EPHA3: variants seen among roughly 807,000 people sequenced by gnomAD.
EPHA3 encodes EPH receptor A3, also known as ephrin type-A receptor 3.
A neutral mutation model predicts 107.1 loss-of-function variants in EPHA3; 42 were observed. The observed-to-expected ratio is 0.39, with a 90% CI of 0.31 to 0.51. EPHA3 has a LOEUF of 0.51. Among genes scored for constraint, EPHA3 ranks in the 20% least tolerant of loss-of-function variants. The pLI, the probability that EPHA3 is intolerant of heterozygous loss-of-function variation, is 0.78. For synonymous variants in EPHA3, 461 were observed against 424.8 expected (o/e 1.09, Z -1.05); for missense variants, 1,183 against 1,211.2 (o/e 0.98, Z 0.35).
In EPHA3 at chr3:89,479,497, G is replaced by C. The variant is rs536144760; in HGVS notation, c.2947G>C (p.Val983Leu). 4 of 1,613,314 alleles carry C rather than the reference G, an allele frequency of 2.5e-6. No homozygotes were observed. In the Admixed American group the frequency reaches 5.0e-5, roughly 20 times the overall value. The stretch of plus-strand genomic sequence containing the variant: ...GCAATCAAAGAATGGCCCAGTTCCC[G>C]TGTAAAGCACGGGACGGAAGTGCTT... ...ETQSKNGPVP[V>L] is the part of the protein sequence containing the mutation. The change falls in exon 17 of 17, where the codon GTG becomes CTG. Residue 983 changes from valine to leucine, a missense_variant. Physicochemically the swap from Val to Leu is conservative, Grantham distance 32. Transcript: ENST00000336596.
At chr3:89,407,953 G>C in intron 8 of EPHA3, 114 bp from the exon 9 acceptor site, 2 of 1,013,216 alleles carry the variant, frequency 2.0e-6, no homozygotes, top group East Asian at 2.5e-5. Flanking sequence ...TTTCACTAAA[G>C]CATTTAATTG....
At chr3:89,341,094 A>G in intron 4 of EPHA3, 23 bp downstream of exon 4, 4 of 1,605,934 alleles carry the variant, frequency 2.5e-6, no homozygotes, top group Non-Finnish European at 3.4e-6. Context: ...GCTGCAACCC[A>G]TGCCTCCATG....
chr3:89,453,424 A>G (rs1479193284), intron 15 of EPHA3, among the ~76,000 whole-genome samples: 2 of 152,082 alleles, frequency 1.3e-5, no homozygotes, highest in Admixed American at 6.5e-5. Flanking sequence ...AATATATCAA[A>G]TACTTTTTCT....
intron 2 of EPHA3, among the ~76,000 whole-genome samples, chr3:89,183,971 T>C (rs1244231073): frequency 6.6e-6 from 1 of 152,044 alleles, no homozygotes; most frequent in Admixed American, 6.6e-5. Context: ...TCTATGACTA[T>C]AAAAATTTTT....
chr3:89,154,735 C>T (rs6792104), intron 2 of EPHA3, among the ~76,000 whole-genome samples: 55,711 of 150,850 alleles, frequency 0.37, 12,077 homozygotes, highest in Admixed American at 0.48. Context: ...TCAAATAGAT[C>T]ATGATTTTAA....
chr3:89,262,839 G>A lies in EPHA3; in HGVS notation c.814+52319G>A, dbSNP rs1172293828. On this transcript the variant is annotated intron_variant, in intron 3 of 16. Coordinates refer to ENST00000336596, the MANE Select transcript of EPHA3 (RefSeq NM_005233.6). Reference sequence around the variant, plus strand: ...CGTGAGAGGGAGTGCGCAGGTGAGTGGGTGCAGGAGCCACAGCAAGCCCTT... The same window carrying A: ...CGTGAGAGGGAGTGCGCAGGTGAGTAGGTGCAGGAGCCACAGCAAGCCCTT... Among the ~76,000 whole-genome samples, 5 of 152,206 alleles carry A rather than the reference G, an allele frequency of 3.3e-5. No individual in the cohort carries two copies. The East Asian group carries it at 7.8e-4, about 24-fold the overall frequency.
intron 2 of EPHA3, among the ~76,000 whole-genome samples, chr3:89,184,243 G>A (rs2107125844): frequency 6.6e-6 from 1 of 152,094 alleles, no homozygotes; most frequent in East Asian, 1.9e-4. Flanking sequence ...GAAAACACAA[G>A]GATATGTGTG....
At chr3:89,320,376 G>A (rs966233672) in intron 3 of EPHA3, among the ~76,000 whole-genome samples, 51 of 152,020 alleles carry the variant, frequency 3.4e-4, no homozygotes, top group African/African-American at 1.0e-3. Flanking sequence ...TCAAGTTACA[G>A]TTGACACAGA....
chr3:89,471,226 C>A (rs1238878985), intron 15 of EPHA3, among the ~76,000 whole-genome samples: 1 of 151,268 alleles, frequency 6.6e-6, no homozygotes, highest in African/African-American at 2.4e-5. Context: ...GCTTCTTTTG[C>A]CTCTTCAGGG....
chr3:89,368,982 A>G (rs2107468074), intron 5 of EPHA3, among the ~76,000 whole-genome samples: 1 of 150,702 alleles, frequency 6.6e-6, no homozygotes, highest in African/African-American at 2.4e-5. Context: ...CCTAGTTCAC[A>G]CTGGTGTTGC....
At chr3:89,440,586 G>A (rs1485684013) in intron 13 of EPHA3, among the ~76,000 whole-genome samples, 1 of 152,182 alleles carries the variant, frequency 6.6e-6, no homozygotes, top group Admixed American at 6.5e-5. Context: ...CAGGCTTTTA[G>A]CCACATGTCT....
At chr3:89,433,199 G>A (rs1471505915) in intron 13 of EPHA3, among the ~76,000 whole-genome samples, 1 of 151,854 alleles carries the variant, frequency 6.6e-6, no homozygotes, top group Non-Finnish European at 1.5e-5. Flanking sequence ...TCTCCTAATG[G>A]CAGTATCTTT....
intron 2 of EPHA3, among the ~76,000 whole-genome samples, chr3:89,199,642 C>CT (rs1705924356): frequency 6.6e-6 from 1 of 152,108 alleles, no homozygotes; most frequent in Non-Finnish European, 1.5e-5. Flanking sequence ...TTTTCAGATG[C>CT]TTTTTCCTTT....
At chr3:89,258,760 T>C (rs1307238277) in intron 3 of EPHA3, among the ~76,000 whole-genome samples, 2 of 152,122 alleles carry the variant, frequency 1.3e-5, no homozygotes, top group East Asian at 3.9e-4. Context: ...CCCACCTCAG[T>C]CAAAGATAAA....
At chr3:89,116,613 C>T (rs1707260975) in intron 1 of EPHA3, among the ~76,000 whole-genome samples, 1 of 150,656 alleles carries the variant, frequency 6.6e-6, no homozygotes, top group Non-Finnish European at 1.5e-5. Flanking sequence ...TTAATTGCTG[C>T]AATAAATTCT....
intron 2 of EPHA3, among the ~76,000 whole-genome samples, chr3:89,181,946 T>C (rs182828147): frequency 4.6e-5 from 7 of 152,062 alleles, no homozygotes; most frequent in Non-Finnish European, 1.0e-4. Context: ...AAATATTTCA[T>C]GTAAACGTCT....
At position 89,283,210 on chromosome 3, in the gene EPHA3, A is replaced by T. The variant is rs116743101; in HGVS notation, c.815-57706A>T. Among the ~76,000 whole-genome samples the T allele has an allele frequency of 4.5e-3, 686 of 152,256 alleles. 4 individuals are homozygous for T. The highest frequency in any genetic ancestry group is 0.012 in the African/African-American group (507 of 41,574). On this transcript the variant is annotated intron_variant, in intron 3 of 16. Transcript: ENST00000336596. ...TTAGAATCAACAGCAAAGTGAAAAA[A>T]GTTTAAACTGATTAGTGGTATTAGG... is the stretch of plus-strand genomic sequence containing the variant.
At chr3:89,310,539 A>G (rs116200562) in intron 3 of EPHA3, among the ~76,000 whole-genome samples, 3 of 151,964 alleles carry the variant, frequency 2.0e-5, no homozygotes, top group Non-Finnish European at 4.4e-5. Context: ...ATTTTTTCAT[A>G]GCCTGGGTCT....
intron 1 of EPHA3, among the ~76,000 whole-genome samples, chr3:89,125,807 A>G (rs1384157926): frequency 6.6e-6 from 1 of 151,714 alleles, no homozygotes; most frequent in African/African-American, 2.4e-5. Flanking sequence ...TAATTTATTT[A>G]TCAACTAACC....
Sources: gnomAD v4.1 joint callset for allele counts (sites outside exome capture counted in the v4.1 genomes callset) on GRCh38, gnomAD v4.1.1 for gene constraint, MANE v1.5 for transcripts, NCBI Gene and HGNC (gene_info 2026-07-23, HGNC 2026-07-21) for gene names.